DRC9: variants seen among roughly 807,000 people sequenced by gnomAD.
The protein encoded by DRC9 is dynein regulatory complex protein 9.
At chr3:197,931,678 GCTCACTACAAGCTCTGC>G in the DRC9 span, among the ~76,000 whole-genome samples, 4 of 151,814 alleles carry the variant, frequency 2.6e-5, no homozygotes, top group South Asian at 2.1e-4. Flanking sequence ...TGCGATCTCG[GCTCACTACAAGCTCTGC>G]CTCACTACAA....
At chr3:197,959,205 CAAAA>C in the DRC9 span, 1 of 145,992 alleles carries the variant, frequency 6.8e-6, no homozygotes, top group African/African-American at 2.5e-5. Context: ...AACTCCGTCT[CAAAA>C]AAAAAAGAAA....
the DRC9 span, chr3:197,953,970 T>C: frequency 8.9e-5 from 143 of 1,611,148 alleles, no homozygotes; most frequent in Non-Finnish European, 1.2e-4. Context: ...CTATATCAGC[T>C]TGTATTCCTC....
the DRC9 span, among the ~76,000 whole-genome samples, chr3:197,915,639 T>C: frequency 6.6e-6 from 1 of 151,972 alleles, no homozygotes; most frequent in Admixed American, 6.6e-5. Flanking sequence ...TCTTTTTACA[T>C]TTTTTTTGAG....
chr3:197,924,040 A>ATCCT, the DRC9 span, among the ~76,000 whole-genome samples: 7 of 150,786 alleles, frequency 4.6e-5, no homozygotes, highest in East Asian at 1.4e-3. Context: ...CCTGAGTGAC[A>ATCCT]GAGTGAAGAT....
At chr3:197,939,209 G>A in the DRC9 span, among the ~76,000 whole-genome samples, 1 of 152,180 alleles carries the variant, frequency 6.6e-6, no homozygotes, top group South Asian at 2.1e-4. Context: ...TTCAATAAAT[G>A]TGGCCATCTT....
the DRC9 span, among the ~76,000 whole-genome samples, chr3:197,898,230 A>C: frequency 6.6e-6 from 1 of 152,220 alleles, no homozygotes; most frequent in East Asian, 1.9e-4. Context: ...ACACCCTTTT[A>C]AATAATTCTT....
the DRC9 span, chr3:197,914,085 A>T: frequency 6.5e-7 from 1 of 1,532,142 alleles, no homozygotes; most frequent in South Asian, 1.1e-5. Context: ...AATACATTCT[A>T]CCTCCATTCA....
At chr3:197,890,966 C>T in the DRC9 span, among the ~76,000 whole-genome samples, 1 of 152,200 alleles carries the variant, frequency 6.6e-6, no homozygotes. Flanking sequence ...TGTGACCTGC[C>T]AGTTTCATCA....
At chr3:197,893,609 C>T in the DRC9 span, among the ~76,000 whole-genome samples, 1 of 150,612 alleles carries the variant, frequency 6.6e-6, no homozygotes, top group Admixed American at 6.6e-5. Context: ...TTTGGGAGGC[C>T]GAGGTGGGCA....
the DRC9 span, among the ~76,000 whole-genome samples, chr3:197,953,089 G>A: frequency 6.6e-6 from 1 of 152,210 alleles, no homozygotes; most frequent in Non-Finnish European, 1.5e-5. Flanking sequence ...GTGAGCCATC[G>A]TGCCATTGCA....
the DRC9 span, among the ~76,000 whole-genome samples, chr3:197,910,011 C>A: frequency 6.6e-6 from 1 of 151,980 alleles, no homozygotes; most frequent in Non-Finnish European, 1.5e-5. Flanking sequence ...AAACAAAAAA[C>A]CACCACTGAG....
At chr3:197,895,697 G>A in the DRC9 span, among the ~76,000 whole-genome samples, 2 of 152,030 alleles carry the variant, frequency 1.3e-5, no homozygotes, top group Non-Finnish European at 2.9e-5. Context: ...TATTGACCGG[G>A]TGCCGTGGCT....
At chr3:197,925,913 G>T in the DRC9 span, 1 of 733,120 alleles carries the variant, frequency 1.4e-6, no homozygotes. Flanking sequence ...AATGCCGGAG[G>T]AAACAACAAT....
chr3:197,951,920 AT>A, the DRC9 span, among the ~76,000 whole-genome samples: 9 of 152,124 alleles, frequency 5.9e-5, no homozygotes, highest in African/African-American at 2.2e-4. Context: ...CTGGATTGGT[AT>A]TGCTGTGGCT....
chr3:197,932,427 G>A, the DRC9 span: 4 of 598,164 alleles, frequency 6.7e-6, no homozygotes, highest in East Asian at 1.2e-4. Context: ...GAGGTCAGGA[G>A]ATCAAGACCA....
At chr3:197,954,661 A>C in the DRC9 span, among the ~76,000 whole-genome samples, 1 of 152,058 alleles carries the variant, frequency 6.6e-6, no homozygotes, top group Non-Finnish European at 1.5e-5. Context: ...AGGCGTATAT[A>C]CCACCATGCC....
chr3:197,957,866 A>G, the DRC9 span: 3 of 152,238 alleles, frequency 2.0e-5, no homozygotes, highest in Non-Finnish European at 4.4e-5. Context: ...TGCGTAACAT[A>G]AAACCGTAAA....
At chr3:197,946,348 T>A in the DRC9 span, among the ~76,000 whole-genome samples, 2 of 140,234 alleles carry the variant, frequency 1.4e-5, no homozygotes, top group African/African-American at 2.8e-5. Flanking sequence ...GGCAGGAGAA[T>A]GGCGTGAACC....
At chr3:197,912,636 A>G in the DRC9 span, 1 of 1,470,154 alleles carries the variant, frequency 6.8e-7, no homozygotes, top group Non-Finnish European at 9.5e-7. Flanking sequence ...GCAGAGTACA[A>G]AAAAAAAGTC....
Sources: allele counts gnomAD v4.1 joint callset (sites outside exome capture counted in the v4.1 genomes callset), GRCh38; gene constraint gnomAD v4.1.1; transcripts MANE v1.5; gene names NCBI Gene and HGNC (gene_info 2026-07-23, HGNC 2026-07-21).